Variants in GLI2 observed in about 807,000 individuals in gnomAD.
GLI2 encodes the protein GLI family zinc finger 2.
A neutral mutation model predicts 78.9 loss-of-function variants in GLI2; 22 were observed. The ratio of observed to expected loss-of-function variants is 0.28; its 90% CI spans 0.20 to 0.40. The LOEUF is 0.40. Ranked by LOEUF, GLI2 falls within the 10% of genes least tolerant of loss-of-function variation. GLI2 has a pLI of 1.00. For missense variants in GLI2, 2,097 were observed against 2,213.2 expected, an observed-to-expected ratio of 0.95 and a Z score of 1.05; for synonymous variants, 974 against 963.7, an observed-to-expected ratio of 1.01 and a Z score of -0.20.
In GLI2 at chr2:120,773,616, G is replaced by T. The variant is rs116607294; in HGVS notation, c.-30-23675G>T. Among the ~76,000 whole-genome samples, 560 of 152,324 alleles carry T rather than the reference G, an allele frequency of 3.7e-3. 5 individuals carry two copies. Among genetic ancestry groups the T allele is most frequent in the African/African-American group, 0.013 (536 of 41,584 alleles). On this transcript the variant is annotated intron_variant, in intron 1 of 13. Coordinates refer to ENST00000361492, the MANE Select transcript of GLI2 (RefSeq NM_001374353.1). ...CCCTGCGCGTCTGTTGCGTGCTTGGGTACAGTAGCGGCACAGTATCTGCCC... is the reference window on the plus strand; with the variant it reads ...CCCTGCGCGTCTGTTGCGTGCTTGGTTACAGTAGCGGCACAGTATCTGCCC...
At chr2:120,983,934 CGTG>C (rs1170903527) in intron 11 of GLI2, among the ~76,000 whole-genome samples, 3 of 117,248 alleles carry the variant, frequency 2.6e-5, no homozygotes, top group African/African-American at 6.3e-5. Flanking sequence ...TTTCTGTAGA[CGTG>C]GTGTGTGGGG....
Position 120,912,068 on chromosome 2 carries a change from C to T in GLI2, c.149-15293C>T, listed in dbSNP as rs1158598431. ...TGTGACTGGACCCACAAAGCAGGGC[C>T]TTTGCCCACAAACGCCTCGGATGAG... is the stretch of plus-strand genomic sequence containing the variant. On this transcript the variant is annotated intron_variant, in intron 2 of 13. Coordinates refer to ENST00000361492, the MANE Select transcript of GLI2 (RefSeq NM_001374353.1). Among the ~76,000 whole-genome samples, 3 of 152,242 alleles carry T rather than the reference C, an allele frequency of 2.0e-5. No homozygotes were observed. The East Asian group carries it at 5.8e-4, about 29-fold the overall frequency.
At chr2:120,862,015 T>C (rs1687925799) in intron 2 of GLI2, among the ~76,000 whole-genome samples, 1 of 152,210 alleles carries the variant, frequency 6.6e-6, no homozygotes, top group Non-Finnish European at 1.5e-5. Context: ...AACACGGAGA[T>C]GTGCAGGCAC....
chr2:120,880,372 C>A (rs1411230931), intron 2 of GLI2, among the ~76,000 whole-genome samples: 1 of 152,150 alleles, frequency 6.6e-6, no homozygotes, highest in Non-Finnish European at 1.5e-5. Flanking sequence ...GGCAAGAGGG[C>A]TGATTAAATT....
At chr2:120,972,794 C>A (rs1682253545) in intron 8 of GLI2, 15 of 461,368 alleles carry the variant, frequency 3.3e-5, no homozygotes, top group Admixed American at 3.0e-4. Flanking sequence ...GAGCAGCCCA[C>A]AGCCCAGTGC....
chr2:120,752,663 A>G (rs1682915473), intron 1 of GLI2, among the ~76,000 whole-genome samples: 1 of 152,218 alleles, frequency 6.6e-6, no homozygotes, highest in South Asian at 2.1e-4. Context: ...CATACATTAT[A>G]AAGTTTTCGT....
chr2:120,793,533 T>G (rs976499942), intron 1 of GLI2, among the ~76,000 whole-genome samples: 3 of 152,156 alleles, frequency 2.0e-5, no homozygotes, highest in Non-Finnish European at 4.4e-5. Context: ...CCTGGGCGCC[T>G]GGTGTTTACC....
intron 2 of GLI2, among the ~76,000 whole-genome samples, chr2:120,835,589 T>A (rs902322648): frequency 1.3e-5 from 2 of 152,080 alleles, no homozygotes; most frequent in Non-Finnish European, 2.9e-5. Flanking sequence ...TTTCACCATG[T>A]TGACCAGGCT....
At chr2:120,802,980 C>A (rs1277609131) in intron 2 of GLI2, among the ~76,000 whole-genome samples, 1 of 152,342 alleles carries the variant, frequency 6.6e-6, no homozygotes, top group African/African-American at 2.4e-5. Flanking sequence ...TACACAAACC[C>A]TCTTGGTGAT....
chr2:120,974,238 G>A (rs1023355132), intron 8 of GLI2, among the ~76,000 whole-genome samples: 2 of 152,074 alleles, frequency 1.3e-5, no homozygotes, highest in African/African-American at 4.8e-5. Flanking sequence ...CCTGGAGTAT[G>A]AGCCTCTCCC....
At chr2:120,760,891 C>T (rs1683194008) in intron 1 of GLI2, among the ~76,000 whole-genome samples, 1 of 152,238 alleles carries the variant, frequency 6.6e-6, no homozygotes, top group South Asian at 2.1e-4. Flanking sequence ...AGAAGGTTCT[C>T]CTGACCCTGA....
chr2:120,896,234 G>T (rs187167660), intron 2 of GLI2, among the ~76,000 whole-genome samples: 7 of 145,292 alleles, frequency 4.8e-5, no homozygotes, highest in Non-Finnish European at 9.0e-5. Flanking sequence ...CCCTCTCTCC[G>T]CCCCACCCTG....
intron 2 of GLI2, among the ~76,000 whole-genome samples, chr2:120,912,664 C>T (rs965162124): frequency 6.6e-5 from 10 of 152,198 alleles, no homozygotes; most frequent in African/African-American, 1.9e-4. Context: ...ACGGCTTGCC[C>T]GGTGTTTCTC....
At chr2:120,798,656 C>T (rs1684532028) in intron 2 of GLI2, among the ~76,000 whole-genome samples, 1 of 152,120 alleles carries the variant, frequency 6.6e-6, no homozygotes, top group African/African-American at 2.4e-5. Flanking sequence ...GCCTCTCCAC[C>T]CTGTGCCCCT....
At chr2:120,816,764 G>T (rs1217649163) in intron 2 of GLI2, among the ~76,000 whole-genome samples, 1 of 152,106 alleles carries the variant, frequency 6.6e-6, no homozygotes, top group Admixed American at 6.5e-5. Context: ...GTTGCACTAT[G>T]TTGTTTTGGT....
At chr2:120,923,124 AAC>A (rs1310035942) in intron 2 of GLI2, among the ~76,000 whole-genome samples, 2 of 122,166 alleles carry the variant, frequency 1.6e-5, no homozygotes, top group Non-Finnish European at 3.4e-5. Flanking sequence ...TACACACAGC[AAC>A]ACACACATAT....
chr2:120,918,089 G>A (rs1679187565), intron 2 of GLI2, among the ~76,000 whole-genome samples: 1 of 152,218 alleles, frequency 6.6e-6, no homozygotes, highest in African/African-American at 2.4e-5. Context: ...ATCTGTGCAT[G>A]GAGAACTCTG....
chr2:120,782,113 C>T (rs1299357049), intron 1 of GLI2, among the ~76,000 whole-genome samples: 5 of 152,172 alleles, frequency 3.3e-5, no homozygotes, highest in East Asian at 3.8e-4. Flanking sequence ...AGTACTGTCC[C>T]GTTGTCTCGC....
chr2:120,788,455 A>G (rs1031864171), intron 1 of GLI2, among the ~76,000 whole-genome samples: 3 of 152,218 alleles, frequency 2.0e-5, no homozygotes, highest in Admixed American at 1.3e-4. Context: ...CCCAGTGGAA[A>G]CAAACGAAGT....
Sources: gnomAD v4.1 joint callset for allele counts (sites outside exome capture counted in the v4.1 genomes callset) on GRCh38, gnomAD v4.1.1 for gene constraint, MANE v1.5 for transcripts, NCBI Gene and HGNC (gene_info 2026-07-23, HGNC 2026-07-21) for gene names.